Variants in CTNNBL1 observed in about 807,000 individuals in gnomAD.
CTNNBL1 encodes the protein catenin beta like 1, also known as beta-catenin-like protein 1.
In CTNNBL1, 31 loss-of-function variants were observed where a neutral mutation model predicts 72.7. The observed-to-expected ratio is 0.43, with a 90% CI of 0.32 to 0.58. CTNNBL1 has a LOEUF of 0.58. Ranked by LOEUF, CTNNBL1 falls within the 20% of genes least tolerant of loss-of-function variation. CTNNBL1 has a pLI of 0.08. For missense variants in CTNNBL1, 534 were observed against 725.1 expected (o/e 0.74, Z 3.03); for synonymous variants, 240 against 267.3 (o/e 0.90, Z 1.00).
chr20:37,866,726 G>A (rs1600539709), intron 15 of CTNNBL1, among the ~76,000 whole-genome samples: 2 of 152,070 alleles, frequency 1.3e-5, no homozygotes, highest in South Asian at 4.1e-4. Flanking sequence ...AAAACACAAA[G>A]AAAAAAACAC....
chr20:37,710,908 C>T (rs957680056), intron 1 of CTNNBL1, among the ~76,000 whole-genome samples: 2 of 152,180 alleles, frequency 1.3e-5, no homozygotes, highest in Middle Eastern at 3.2e-3. Flanking sequence ...GGCTCTCTGT[C>T]ATACCCTACC....
rs908716765 is a variant in CTNNBL1, at chr20:37,694,069, C to T, written c.-54C>T. 1 of 1,580,832 alleles carries T rather than the reference C, an allele frequency of 6.3e-7. No homozygotes were observed. On this transcript the variant is annotated 5_prime_UTR_variant, in exon 1 of 16. Coordinates refer to ENST00000361383, the MANE Select transcript of CTNNBL1 (RefSeq NM_030877.5). ...TGTGGCTGGAGCCGCGGCTGACGGG[C>T]CCGCGGTCTGGGCGTGAGTGCAGGG...
chr20:37,855,894 A>T (rs2072435762), intron 13 of CTNNBL1, among the ~76,000 whole-genome samples: 1 of 151,738 alleles, frequency 6.6e-6, no homozygotes, highest in African/African-American at 2.4e-5. Context: ...AATAGCTTTG[A>T]ACCTCTCCCT....
At chr20:37,792,431 C>T (rs1283478895) in intron 10 of CTNNBL1, among the ~76,000 whole-genome samples, 10 of 152,098 alleles carry the variant, frequency 6.6e-5, no homozygotes, top group Non-Finnish European at 1.2e-4. Context: ...GCCTCAGCCT[C>T]CTAAGTAGCT....
intron 7 of CTNNBL1, among the ~76,000 whole-genome samples, chr20:37,776,059 C>T (rs1007317095): frequency 2.6e-5 from 4 of 152,124 alleles, no homozygotes; most frequent in African/African-American, 7.2e-5. Flanking sequence ...TTTTGATTTT[C>T]GTTAATATGA....
chr20:37,833,893 G>C (rs1241348032), intron 11 of CTNNBL1, among the ~76,000 whole-genome samples: 2 of 152,166 alleles, frequency 1.3e-5, no homozygotes, highest in African/African-American at 4.8e-5. Context: ...AACTCGGTGT[G>C]TGTATATATG....
chr20:37,697,043 C>T (rs1375248091), intron 1 of CTNNBL1, among the ~76,000 whole-genome samples: 8 of 151,260 alleles, frequency 5.3e-5, no homozygotes, highest in Non-Finnish European at 8.8e-5. Context: ...ATTAGCCGGG[C>T]GTGGTGGTGC....
intron 9 of CTNNBL1, among the ~76,000 whole-genome samples, chr20:37,778,173 G>C (rs191711393): frequency 6.6e-6 from 1 of 152,116 alleles, no homozygotes; most frequent in Non-Finnish European, 1.5e-5. Flanking sequence ...AGGATGTGGT[G>C]CTGAAGGCTG....
chr20:37,836,495 C>A (rs939653678), intron 11 of CTNNBL1, among the ~76,000 whole-genome samples: 2 of 152,182 alleles, frequency 1.3e-5, no homozygotes, highest in African/African-American at 4.8e-5. Flanking sequence ...TTGGCTATGG[C>A]TCTTCTTTGT....
chr20:37,856,453 C>T (rs1203979506), intron 13 of CTNNBL1, among the ~76,000 whole-genome samples: 2 of 151,974 alleles, frequency 1.3e-5, no homozygotes, highest in Non-Finnish European at 2.9e-5. Context: ...AGGCACATCA[C>T]GTTGTAGACT....
intron 7 of CTNNBL1, among the ~76,000 whole-genome samples, chr20:37,773,970 T>C (rs1318153587): frequency 6.7e-6 from 1 of 149,166 alleles, no homozygotes; most frequent in Non-Finnish European, 1.5e-5. Flanking sequence ...GCCAGAGTGT[T>C]GGTGCCATCA....
chr20:37,701,288 C>T (rs988924548), intron 1 of CTNNBL1, among the ~76,000 whole-genome samples: 4 of 152,000 alleles, frequency 2.6e-5, no homozygotes, highest in African/African-American at 4.8e-5. Flanking sequence ...GGTGGTTTTC[C>T]GGTTTTTGTT....
At chr20:37,831,156 C>A (rs1372791737) in intron 11 of CTNNBL1, among the ~76,000 whole-genome samples, 3 of 152,200 alleles carry the variant, frequency 2.0e-5, no homozygotes, top group African/African-American at 7.2e-5. Flanking sequence ...TCCAGCCCTG[C>A]ATCTCTCCCA....
chr20:37,754,410 C>T (rs1035783012), intron 4 of CTNNBL1, among the ~76,000 whole-genome samples: 15 of 151,726 alleles, frequency 9.9e-5, no homozygotes, highest in Middle Eastern at 3.4e-3. Flanking sequence ...TGTAAGCCAC[C>T]GTGCCCAGCC....
chr20:37,847,658 A>T (rs2072357877), intron 13 of CTNNBL1, among the ~76,000 whole-genome samples: 1 of 152,194 alleles, frequency 6.6e-6, no homozygotes, highest in African/African-American at 2.4e-5. Flanking sequence ...GAAAGAAGAC[A>T]TGATTATATA....
chr20:37,737,210 C>A (rs2073178585), intron 2 of CTNNBL1, among the ~76,000 whole-genome samples, 168 bp from the exon 3 acceptor site: 1 of 152,022 alleles, frequency 6.6e-6, no homozygotes, highest in South Asian at 2.1e-4. Flanking sequence ...GGCGACAGAG[C>A]AAGACTCCAT....
At chr20:37,760,843 C>T (rs1212869359) in intron 5 of CTNNBL1, among the ~76,000 whole-genome samples, 1 of 152,168 alleles carries the variant, frequency 6.6e-6, no homozygotes, top group Non-Finnish European at 1.5e-5. Context: ...ATCTACCACA[C>T]AGTGAGATGT....
At chr20:37,734,453 T>C (rs765880372) in intron 2 of CTNNBL1, among the ~76,000 whole-genome samples, 1 of 152,200 alleles carries the variant, frequency 6.6e-6, no homozygotes, top group African/African-American at 2.4e-5. Context: ...AGCAGTTAAT[T>C]GGCAGGTATA....
chr20:37,756,669 ACT>A (rs2073367881), intron 4 of CTNNBL1, among the ~76,000 whole-genome samples: 1 of 112,522 alleles, frequency 8.9e-6, no homozygotes, highest in African/African-American at 3.6e-5. Flanking sequence ...ACAGGGTCTC[ACT>A]CTGTTTCCCA....
Sources: allele counts gnomAD v4.1 joint callset (sites outside exome capture counted in the v4.1 genomes callset), GRCh38; gene constraint gnomAD v4.1.1; transcripts MANE v1.5; gene names NCBI Gene and HGNC (gene_info 2026-07-23, HGNC 2026-07-21).